Variants in LRRC4C observed in about 807,000 individuals in gnomAD.
LRRC4C encodes the protein leucine-rich repeat-containing protein 4C.
Under a neutral mutation model 33.6 loss-of-function variants are expected in LRRC4C, and 5 were observed. The ratio of observed to expected loss-of-function variants is 0.15; its 90% CI spans 0.08 to 0.31. The LOEUF (loss-of-function observed/expected upper bound fraction) is 0.31. Among genes scored for constraint, LRRC4C ranks in the 10% least tolerant of loss-of-function variants. The pLI, the probability that LRRC4C is intolerant of heterozygous loss-of-function variation, is 1.00. For missense variants in LRRC4C, 560 were observed against 796.7 expected, an observed-to-expected ratio of 0.70 and a Z score of 3.58; for synonymous variants, 329 against 302.0, an observed-to-expected ratio of 1.09 and a Z score of -0.93.
chr11:41,307,296 CCTT>C (rs1262565275), intron 1 of LRRC4C, among the ~76,000 whole-genome samples: 1 of 152,100 alleles, frequency 6.6e-6, no homozygotes, highest in African/African-American at 2.4e-5. Context: ...GACGATTCCT[CCTT>C]CAATCTTTCA....
chr11:40,140,135 G>A (rs1857261782), intron 6 of LRRC4C, among the ~76,000 whole-genome samples: 2 of 152,040 alleles, frequency 1.3e-5, no homozygotes, highest in Admixed American at 1.3e-4. Flanking sequence ...ATTTATAAAG[G>A]GCCAACTACA....
chr11:40,729,846 C>T (rs184530826), intron 2 of LRRC4C, among the ~76,000 whole-genome samples: 210 of 152,186 alleles, frequency 1.4e-3, no homozygotes, highest in African/African-American at 4.8e-3. Flanking sequence ...CAAGTTCCTA[C>T]TATACTGTGA....
intron 1 of LRRC4C, among the ~76,000 whole-genome samples, chr11:41,170,724 G>A (rs1429724495): frequency 1.3e-5 from 2 of 152,104 alleles, no homozygotes; most frequent in Non-Finnish European, 2.9e-5. Flanking sequence ...AACACCAAAA[G>A]CAATGGCAAC....
At chr11:40,775,077 T>C (rs1949928766) in intron 2 of LRRC4C, among the ~76,000 whole-genome samples, 1 of 152,054 alleles carries the variant, frequency 6.6e-6, no homozygotes, top group South Asian at 2.1e-4. Context: ...ATCATTATTA[T>C]ATAGATTGGG....
chr11:40,621,946 T>G (rs1308372751), intron 3 of LRRC4C, among the ~76,000 whole-genome samples: 1 of 151,730 alleles, frequency 6.6e-6, no homozygotes, highest in East Asian at 1.9e-4. Flanking sequence ...GCCACACAAC[T>G]GGGATGGAGA....
intron 3 of LRRC4C, among the ~76,000 whole-genome samples, chr11:40,503,733 C>T (rs893861514): frequency 2.0e-5 from 3 of 152,138 alleles, no homozygotes; most frequent in African/African-American, 7.2e-5. Context: ...AAGAGTTAGG[C>T]TCAGTAGACA....
intron 2 of LRRC4C, among the ~76,000 whole-genome samples, chr11:40,835,941 T>C (rs1477446851): frequency 6.6e-6 from 1 of 152,190 alleles, no homozygotes; most frequent in African/African-American, 2.4e-5. Context: ...TTGGTGAAGA[T>C]ATTTTTGGAT....
At chr11:41,256,090 G>T (rs1157408753) in intron 1 of LRRC4C, among the ~76,000 whole-genome samples, 1 of 151,980 alleles carries the variant, frequency 6.6e-6, no homozygotes, top group Non-Finnish European at 1.5e-5. Context: ...AATTCCAAAT[G>T]GTAGTTTAAC....
chr11:41,095,164 G>A (rs1940727740), intron 1 of LRRC4C, among the ~76,000 whole-genome samples: 1 of 152,028 alleles, frequency 6.6e-6, no homozygotes, highest in South Asian at 2.1e-4. Flanking sequence ...AAGGTGAAGG[G>A]GAAGCAGGCA....
At chr11:41,430,808 C>G (rs1251918531) in intron 1 of LRRC4C, among the ~76,000 whole-genome samples, 16 of 151,620 alleles carry the variant, frequency 1.1e-4, no homozygotes, top group Admixed American at 1.1e-3. Flanking sequence ...ATATATATAT[C>G]TTTATTTTCT....
At chr11:41,383,949 T>C (rs923950925) in intron 1 of LRRC4C, among the ~76,000 whole-genome samples, 2 of 151,910 alleles carry the variant, frequency 1.3e-5, no homozygotes, top group South Asian at 4.1e-4. Flanking sequence ...TCGATGAAAA[T>C]AGAAGTAGGT....
chr11:40,336,312 AGT>A (rs1326553096), intron 3 of LRRC4C, among the ~76,000 whole-genome samples: 1 of 152,138 alleles, frequency 6.6e-6, no homozygotes, highest in Non-Finnish European at 1.5e-5. Context: ...CGGCCGAAAG[AGT>A]GTGAAAGAAA....
intron 4 of LRRC4C, among the ~76,000 whole-genome samples, chr11:40,258,563 T>C (rs1867414995): frequency 6.6e-6 from 1 of 152,164 alleles, no homozygotes; most frequent in African/African-American, 2.4e-5. Flanking sequence ...ATAGAGAAAA[T>C]GCTCAGTCAT....
chr11:40,408,781 T>C (rs1051016531), intron 3 of LRRC4C, among the ~76,000 whole-genome samples: 1 of 151,912 alleles, frequency 6.6e-6, no homozygotes, highest in African/African-American at 2.4e-5. Context: ...CATAAAAAAT[T>C]GGATATTTTG....
At chr11:40,563,205 A>T (rs16934940) in intron 3 of LRRC4C, among the ~76,000 whole-genome samples, 8,549 of 152,246 alleles carry the variant, frequency 0.056, 653 homozygotes, top group African/African-American at 0.17. Flanking sequence ...CATAGCAAGG[A>T]CATAGACTGA....
At chr11:40,336,023 T>C (rs60229504) in intron 3 of LRRC4C, among the ~76,000 whole-genome samples, 9,645 of 152,296 alleles carry the variant, frequency 0.063, 390 homozygotes, top group African/African-American at 0.12. Context: ...GCCTGACACA[T>C]ACTAAGCATT....
intron 2 of LRRC4C, among the ~76,000 whole-genome samples, chr11:40,837,061 G>A (rs1952704743): frequency 6.6e-6 from 1 of 151,982 alleles, no homozygotes; most frequent in Non-Finnish European, 1.5e-5. Flanking sequence ...GTTTGTATTG[G>A]ACATTTTACT....
intron 3 of LRRC4C, among the ~76,000 whole-genome samples, chr11:40,621,585 T>C (rs1962456861): frequency 1.3e-5 from 2 of 151,786 alleles, no homozygotes; most frequent in Admixed American, 1.3e-4. Context: ...CTTTTAGCAA[T>C]GTTTGTTCCA....
rs139149436 is a variant in LRRC4C at position 41,385,976 on chromosome 11, C to G, written c.-496+73455G>C. Among the ~76,000 whole-genome samples, 674 of 151,582 alleles carry G rather than the reference C, an allele frequency of 4.4e-3. 2 individuals are homozygous for G. The highest frequency in any genetic ancestry group is 0.015 in the African/African-American group (641 of 41,456). ...TGTGTGTTTGAACATCTTGTGTTCT[C>G]TCTTATGTTCAAAGCTATGCAATTT... is the stretch of plus-strand genomic sequence containing the variant. On this transcript the variant is annotated intron_variant, in intron 1 of 6. Transcript: ENST00000528697.
Sources: allele counts gnomAD v4.1 joint callset (sites outside exome capture counted in the v4.1 genomes callset), GRCh38; gene constraint gnomAD v4.1.1; transcripts MANE v1.5; gene names NCBI Gene and HGNC (gene_info 2026-07-23, HGNC 2026-07-21).